Variants in ENPEP observed in about 807,000 individuals in gnomAD.
ENPEP encodes glutamyl aminopeptidase, also known as AP-A.
Under a neutral mutation model 114.5 loss-of-function variants are expected in ENPEP, and 103 were observed. The ratio of observed to expected loss-of-function variants is 0.90; its 90% confidence interval spans 0.77 to 1.06. The LOEUF is 1.06. Ranked by LOEUF, ENPEP falls within the 50% of genes least tolerant of loss-of-function variation. The probability of loss-of-function intolerance (pLI) is 0.00; values close to 1 mark genes in which losing one functional copy is unlikely to be tolerated. For synonymous variants in ENPEP, 420 were observed against 422.0 expected, an observed-to-expected ratio of 1.00 and a Z score of 0.06; for missense variants, 1,196 against 1,161.3, an observed-to-expected ratio of 1.03 and a Z score of -0.43.
chr4:110,491,290 T>C, intron 3 of ENPEP, 126 bp downstream of exon 3: 2 of 856,460 alleles, frequency 2.3e-6, no homozygotes, highest in Non-Finnish European at 3.4e-6. Flanking sequence ...GTCCCCAGGG[T>C]CTGTGGACTT....
At chr4:110,501,933 A>G (rs919076089) in intron 3 of ENPEP, among the ~76,000 whole-genome samples, 2 of 152,128 alleles carry the variant, frequency 1.3e-5, no homozygotes, top group African/African-American at 2.4e-5. Context: ...TTTTCTCTAC[A>G]AGTTTGCCAG....
Position 110,534,598 on chromosome 4 carries a change from C to A in ENPEP, c.1807+3321C>A, listed in dbSNP as rs150513318. Among the ~76,000 whole-genome samples the A allele has an allele frequency of 2.9e-3, 432 of 150,184 alleles. 5 individuals are homozygous for A. The highest frequency in any genetic ancestry group is 4.4e-3 in the Non-Finnish European group (298 of 67,626). ...TCTCAGCTCATTGCAACGTCCGCCC[C>A]CTGGGTTCAAGTGATTCTCCTGCCT... On this transcript the variant is annotated intron_variant, in intron 11 of 19. Coordinates refer to ENST00000265162, the MANE Select transcript of ENPEP (RefSeq NM_001977.4).
chr4:110,519,680 C>T (rs1252158511), intron 8 of ENPEP, among the ~76,000 whole-genome samples: 1 of 151,146 alleles, frequency 6.6e-6, no homozygotes, highest in Non-Finnish European at 1.5e-5. Context: ...ATATTTATTT[C>T]CTTAGAGCAG....
chr4:110,476,676 T>C lies in ENPEP; in HGVS notation c.262T>C (p.Trp88Arg). The change falls in exon 1 of 20, where the codon TGG becomes CGG. Residue 88 changes from tryptophan (W) to arginine (R), a missense_variant. Coordinates refer to ENST00000265162, the MANE Select transcript of ENPEP (RefSeq NM_001977.4). ...GGCCAGTGAGGATGAGAGCGGACAG[T>C]GGAAAAACTTTCGACTGCCGGACTT... is the stretch of plus-strand genomic sequence containing the variant. ...CPASEDESGQWKNFRLPDFVN... is the reference protein window; with the variant it reads ...CPASEDESGQRKNFRLPDFVN... 6.2e-7 allele frequency: 1 copy of C among 1,613,818 alleles called. No individual in the cohort carries two copies. Among genetic ancestry groups the C allele is most frequent in the Non-Finnish European group, 8.5e-7 (1 of 1,180,030 alleles).
At position 110,509,710 on chromosome 4, in the gene ENPEP, C is replaced by T. The variant is rs151125401; in HGVS notation, c.1097C>T (p.Thr366Met). ...GCCATGGAGAACTGGGGACTCATCA[C>T]GTACAGAGAAACGAACCTGCTTTAT... is the stretch of plus-strand genomic sequence containing the variant. Reference protein sequence around the residue: ...TGAMENWGLITYRETNLLYDP... With the variant: ...TGAMENWGLIMYRETNLLYDP... Residue 366 changes from threonine to methionine, a missense_variant, in exon 5 of 20, where the codon ACG (threonine) becomes ATG (methionine). Transcript: ENST00000265162. 7.2e-5 allele frequency: 117 copies of T among 1,614,068 alleles called. No homozygotes were observed. Among genetic ancestry groups the T allele is most frequent in the Non-Finnish European group, 8.9e-5 (105 of 1,180,032 alleles).
At chr4:110,479,284 A>G (rs1288226917) in intron 1 of ENPEP, among the ~76,000 whole-genome samples, 1 of 152,214 alleles carries the variant, frequency 6.6e-6, no homozygotes, top group Non-Finnish European at 1.5e-5. Context: ...TATGACTACA[A>G]TGTAGTTGAT....
At chr4:110,484,556 A>T (rs555659583) in intron 1 of ENPEP, among the ~76,000 whole-genome samples, 1 of 152,052 alleles carries the variant, frequency 6.6e-6, no homozygotes, top group South Asian at 2.1e-4. Context: ...GCTGGGCCAA[A>T]CACACCGCAC....
intron 2 of ENPEP, among the ~76,000 whole-genome samples, chr4:110,489,530 A>C (rs947039218): frequency 1.3e-5 from 2 of 152,194 alleles, no homozygotes; most frequent in Admixed American, 1.3e-4. Flanking sequence ...CACATTCTGC[A>C]CATGTATCCC....
intron 3 of ENPEP, among the ~76,000 whole-genome samples, chr4:110,500,841 T>TTAG (rs1725127533): frequency 6.6e-6 from 1 of 152,126 alleles, no homozygotes; most frequent in Non-Finnish European, 1.5e-5. Flanking sequence ...GTGCTGAGGC[T>TTAG]TAGCAGATGA....
chr4:110,477,048 G>C lies in ENPEP; in HGVS notation c.634G>C (p.Gly212Arg). Residue 212 changes from glycine (G) to arginine (R), a missense_variant, in exon 1 of 20, where the codon GGA becomes CGA. Transcript: ENST00000265162. ...TTATAGAACCACCTACACGGAGAAC[G>C]GACAAGTCAAGTAAATATTAATTTT... ...GFYRTTYTEN[G>R]QVKSIVATDH... is the part of the protein sequence containing the mutation. 2 of 1,612,602 alleles carry C rather than the reference G, an allele frequency of 1.2e-6. No individual in the cohort carries two copies. The highest frequency in any genetic ancestry group is 1.7e-6 in the Non-Finnish European group (2 of 1,178,984).
intron 1 of ENPEP, among the ~76,000 whole-genome samples, chr4:110,479,093 A>G (rs139529637): frequency 0.024 from 3,605 of 152,346 alleles, 71 homozygotes; most frequent in Non-Finnish European, 0.041. Context: ...TTACCCAAGT[A>G]TAGCCATTGT....
intron 3 of ENPEP, among the ~76,000 whole-genome samples, chr4:110,505,032 GA>G (rs1437051618): frequency 6.6e-6 from 1 of 152,230 alleles, no homozygotes; most frequent in Non-Finnish European, 1.5e-5. Flanking sequence ...AGATGTGATA[GA>G]AAATCTGAGA....
At chr4:110,518,209 T>C (rs934566003) in intron 8 of ENPEP, among the ~76,000 whole-genome samples, 7 of 152,218 alleles carry the variant, frequency 4.6e-5, no homozygotes, top group African/African-American at 1.7e-4. Flanking sequence ...GCTATACATG[T>C]ACATAAAAGA....
At chr4:110,494,125 A>G (rs1291622216) in intron 3 of ENPEP, among the ~76,000 whole-genome samples, 1 of 152,218 alleles carries the variant, frequency 6.6e-6, no homozygotes, top group Non-Finnish European at 1.5e-5. Flanking sequence ...AAACGATCAG[A>G]AATAGTAGTC....
chr4:110,520,015 T>G lies in ENPEP; in HGVS notation c.1517T>G (p.Leu506Trp). The G allele has an allele frequency of 6.2e-7, 1 of 1,613,786 alleles. No homozygotes were observed. The highest frequency in any genetic ancestry group is 8.5e-7 in the Non-Finnish European group (1 of 1,179,792). The change falls in exon 9 of 20, where the codon TTG becomes TGG. Residue 506 changes from leucine (L) to tryptophan (W), a missense_variant. Coordinates refer to ENST00000265162, the MANE Select transcript of ENPEP (RefSeq NM_001977.4). ...ATTATTTTTTACACACAGATGTACT[T>G]GGAAAAATACCAATTCAAGAATGCA... ...ENFQKGCQMY[L>W]EKYQFKNAKT...
chr4:110,543,688 C>T (rs1331370690), intron 13 of ENPEP, among the ~76,000 whole-genome samples: 2 of 151,710 alleles, frequency 1.3e-5, no homozygotes, highest in African/African-American at 2.4e-5. Context: ...AGTAATTTAA[C>T]AAGCATTTAT....
intron 18 of ENPEP, among the ~76,000 whole-genome samples, chr4:110,553,699 T>G (rs1344462123): frequency 1.3e-5 from 2 of 152,042 alleles, no homozygotes; most frequent in South Asian, 4.1e-4. Flanking sequence ...AAGACTAAAT[T>G]GCATTATTTT....
chr4:110,553,001 ATTAACATTTTAATTT>A, intron 17 of ENPEP, among the ~76,000 whole-genome samples: 1 of 152,230 alleles, frequency 6.6e-6, no homozygotes, highest in Non-Finnish European at 1.5e-5. Context: ...AATGGTTAAA[ATTAACATTTTAATTT>A]TTAAATTAAA....
chr4:110,533,578 A>G (rs1726491144), intron 11 of ENPEP, among the ~76,000 whole-genome samples: 1 of 152,178 alleles, frequency 6.6e-6, no homozygotes, highest in South Asian at 2.1e-4. Flanking sequence ...GGGTTCAGGA[A>G]GCATTCCTAA....
Sources: allele counts gnomAD v4.1 joint callset (sites outside exome capture counted in the v4.1 genomes callset), GRCh38; gene constraint gnomAD v4.1.1; transcripts MANE v1.5; gene names NCBI Gene and HGNC (gene_info 2026-07-23, HGNC 2026-07-21).